MGA: variants seen among roughly 807,000 people sequenced by gnomAD.
MGA encodes the protein MAX gene-associated protein.
A neutral mutation model predicts 261.1 loss-of-function variants in MGA; 40 were observed. That is an observed-to-expected ratio of 0.15 (90% CI 0.12 to 0.20). The LOEUF is 0.20. Among genes scored for constraint, MGA ranks in the 10% least tolerant of loss-of-function variants. The pLI is 1.00. For missense variants in MGA, 3,397 were observed against 3,630.5 expected (o/e 0.94, Z 1.65); for synonymous variants, 1,302 against 1,290.6 (o/e 1.01, Z -0.19).
At chr15:41,656,344 T>TCTCTCTCTCTCTCTCTCTCTCTC (rs149903830), upstream of MGA, among the ~76,000 whole-genome samples, 18 of 60,008 alleles carry the variant, frequency 3.0e-4, no homozygotes, top group East Asian at 8.5e-4. Context: ...CTCTCCTCTC[T>TCTCTCTCTCTCTCTCTCTCTCTC]TCTCTCTCTC....
chr15:41,762,107 A>T, intron 21 of MGA, 22 bp from the exon 22 acceptor site: 1 of 1,559,184 alleles, frequency 6.4e-7, no homozygotes, highest in South Asian at 1.1e-5. Flanking sequence ...TGAAAGTGCT[A>T]ATGTATTCTG....
Position 41,767,086 on chromosome 15 carries a change from G to A in MGA, c.9004G>A (p.Asp3002Asn), listed in dbSNP as rs768929652. 1 of 1,613,930 alleles carries A rather than the reference G, an allele frequency of 6.2e-7. No individual in the cohort carries two copies. Among genetic ancestry groups the A allele is most frequent in the African/African-American group, 1.3e-5 (1 of 74,946 alleles). Residue 3002 changes from aspartate (D) to asparagine (N), a missense_variant, in exon 24 of 24, where the codon GAT (aspartate) becomes AAT (asparagine). This residue lies in a region of MGA where 647 missense variants were observed against 642.4 expected (regional missense o/e 1.01). Coordinates refer to ENST00000219905, the MANE Select transcript of MGA (RefSeq NM_001164273.2). ...TTTAAAAGTAGCTAATCCTTCCAGTGATGCAGATGGTCAGAGTCTCAAGGT... is the reference window on the plus strand; with the variant it reads ...TTTAAAAGTAGCTAATCCTTCCAGTAATGCAGATGGTCAGAGTCTCAAGGT...
chr15:41,726,660 C>T (rs2061265670), intron 9 of MGA, among the ~76,000 whole-genome samples: 1 of 150,896 alleles, frequency 6.6e-6, no homozygotes, highest in African/African-American at 2.4e-5. Context: ...ACATGGGAGG[C>T]AGAGGTTGCC....
chr15:41,695,258 G>A (rs1441097858), intron 2 of MGA, among the ~76,000 whole-genome samples: 2 of 151,298 alleles, frequency 1.3e-5, no homozygotes, highest in Non-Finnish European at 2.9e-5. Flanking sequence ...GCACAATCTC[G>A]GCTCTCTGCA....
chr15:41,707,854 C>T lies in MGA; in HGVS notation c.2315C>T (p.Ser772Phe). The change falls in exon 6 of 24, where the codon TCT becomes TTT. Residue 772 changes from serine to phenylalanine, a missense_variant. Around this residue, in one of 9 missense-constraint regions of MGA, gnomAD observed 519 missense variants for 554.1 expected, o/e 0.94. Transcript: ENST00000219905. ...AACCTTACAGGAACCAACCCTGCCTCTCCTGGTGAGTATGTAACATTTGTA... is the reference window on the plus strand; with the variant it reads ...AACCTTACAGGAACCAACCCTGCCTTTCCTGGTGAGTATGTAACATTTGTA... 6.2e-7 allele frequency: 1 copy of T among 1,610,914 alleles called. No homozygotes were observed. The highest frequency in any genetic ancestry group is 8.5e-7 in the Non-Finnish European group (1 of 1,179,062).
At chr15:41,739,476 C>T (rs2061973658) in intron 13 of MGA, among the ~76,000 whole-genome samples, 1 of 151,974 alleles carries the variant, frequency 6.6e-6, no homozygotes, top group Non-Finnish European at 1.5e-5. Context: ...TTGAAAGGAC[C>T]CTTGTGTGAG....
Position 41,708,130 on chromosome 15 carries a change from A to T in MGA, c.2347A>T (p.Thr783Ser). 2 of 1,594,754 alleles carry T rather than the reference A, an allele frequency of 1.3e-6. No individual in the cohort carries two copies. Among genetic ancestry groups the T allele is most frequent in the Non-Finnish European group, 1.7e-6 (2 of 1,170,098 alleles). Residue 783 changes from threonine (T) to serine (S), a missense_variant, in exon 7 of 24, where the codon ACA becomes TCA. This residue lies in a region of MGA where 519 missense variants were observed against 554.1 expected (regional missense o/e 0.94). Transcript: ENST00000219905. Reference sequence around the variant, plus strand: ...TGCGGGATTTCCCTTTGTTTCTAGGACAGGGAAAACCAATGATTTCACTAA... The same window carrying T: ...TGCGGGATTTCCCTTTGTTTCTAGGTCAGGGAAAACCAATGATTTCACTAA...
rs1429931099 is a variant in MGA, at chr15:41,710,881, A to G, written c.2616A>G (p.Leu872=). Residue 872 remains leucine, a synonymous_variant, in exon 8 of 24, where the codon CTA becomes CTG. Transcript: ENST00000219905. ...ATGTACGAACACTTGATAGTGTACT[A>G]AAGAAGCAATCTACTATTTCCCCTT... 2.5e-6 allele frequency: 4 copies of G among 1,613,736 alleles called. No individual in the cohort carries two copies. Among genetic ancestry groups the G allele is most frequent in the Non-Finnish European group, 3.4e-6 (4 of 1,179,774 alleles).
At position 41,734,608 on chromosome 15, in the gene MGA, C is replaced by G. The variant is rs1170107233; in HGVS notation, c.3916+14C>G. 5.2e-6 allele frequency: 8 copies of G among 1,547,366 alleles called. No homozygotes were observed. Among genetic ancestry groups the G allele is most frequent in the Non-Finnish European group, 7.1e-6 (8 of 1,133,250 alleles). ...ATAAATTACAAGGTCAGAATGAAAA[C>G]TAGATCTTAACATTTGATAAAAATT... is the stretch of plus-strand genomic sequence containing the variant. On this transcript the variant is annotated intron_variant, in intron 12 of 23. Transcript: ENST00000219905.
upstream of MGA, among the ~76,000 whole-genome samples, chr15:41,659,529 A>C (rs1198416956): frequency 6.6e-6 from 1 of 152,246 alleles, no homozygotes; most frequent in Non-Finnish European, 1.5e-5. Context: ...GGAGCACAGA[A>C]GAAAGAACAG....
intron 1 of MGA, among the ~76,000 whole-genome samples, chr15:41,645,843 T>C (rs181133684): frequency 4.6e-5 from 7 of 152,344 alleles, no homozygotes; most frequent in Admixed American, 4.6e-4. Flanking sequence ...GTATGTACTT[T>C]GACAATACTT....
intron 1 of MGA, among the ~76,000 whole-genome samples, chr15:41,660,755 G>A (rs1048508103): frequency 6.6e-6 from 1 of 152,178 alleles, no homozygotes; most frequent in African/African-American, 2.4e-5. Flanking sequence ...TCACTTCCGC[G>A]TCGCTCAGCT....
chr15:41,761,692 A>T (rs2063468807), intron 20 of MGA, 47 bp from the exon 21 acceptor site: 1 of 1,264,310 alleles, frequency 7.9e-7, no homozygotes, highest in Non-Finnish European at 1.1e-6. Context: ...GCTGTGTTTA[A>T]AGAAAGAGTG....
intron 2 of MGA, among the ~76,000 whole-genome samples, chr15:41,691,191 T>G (rs936151366): frequency 6.6e-6 from 1 of 152,160 alleles, no homozygotes; most frequent in Non-Finnish European, 1.5e-5. Context: ...TTTTTCTATT[T>G]ATTTTGGTCT....
At chr15:41,710,550 A>G (rs1015244517) in intron 7 of MGA, 141 bp from the exon 8 acceptor site, 13 of 818,302 alleles carry the variant, frequency 1.6e-5, no homozygotes, top group Admixed American at 5.9e-5. Context: ...TACAGGTGGG[A>G]GTCACTGTGC....
chr15:41,653,619 C>T (rs759797287), intron 1 of MGA, among the ~76,000 whole-genome samples: 9 of 149,752 alleles, frequency 6.0e-5, no homozygotes, highest in Non-Finnish European at 1.0e-4. Flanking sequence ...GAGGAAGGAG[C>T]ATCACTTGAG....
At chr15:41,648,169 T>G (rs565542830) in intron 1 of MGA, among the ~76,000 whole-genome samples, 5 of 152,244 alleles carry the variant, frequency 3.3e-5, no homozygotes, top group Non-Finnish European at 7.3e-5. Context: ...GAATATGCAG[T>G]GATGCACAAA....
chr15:41,645,119 TC>T (rs1011977413), intron 1 of MGA, among the ~76,000 whole-genome samples: 6 of 152,232 alleles, frequency 3.9e-5, no homozygotes, highest in African/African-American at 1.4e-4. Flanking sequence ...AAGTAAATGT[TC>T]CTTAGCCTTA....
chr15:41,723,062 T>C (rs922291704), intron 9 of MGA, among the ~76,000 whole-genome samples: 15 of 152,272 alleles, frequency 9.9e-5, no homozygotes, highest in South Asian at 2.1e-4. Flanking sequence ...TCAGTAGAAA[T>C]GAGGAGACCA....
Sources: gnomAD v4.1 joint callset for allele counts (sites outside exome capture counted in the v4.1 genomes callset) on GRCh38, gnomAD v4.1.1 for gene constraint, gnomAD v4.1.1 regional missense constraint, MANE v1.5 for transcripts, NCBI Gene and HGNC (gene_info 2026-07-23, HGNC 2026-07-21) for gene names.